The following EBF2 variants were observed in gnomAD, a reference collection of about 807,000 sequenced individuals.
EBF2 encodes transcription factor COE2.
EBF2 carries 21 observed loss-of-function variants against 72.8 expected under a neutral mutation model. That is an observed-to-expected ratio of 0.29 (90% CI 0.20 to 0.42). EBF2 has a LOEUF of 0.42. Ranked by LOEUF, EBF2 falls within the 10% of genes least tolerant of loss-of-function variation. The pLI is 1.00. For synonymous variants in EBF2, 299 were observed against 274.2 expected (o/e 1.09, Z -0.89); for missense variants, 637 against 731.2 (o/e 0.87, Z 1.49).
chr8:26,035,888 C>T (rs1258657521), intron 5 of EBF2, among the ~76,000 whole-genome samples: 1 of 152,102 alleles, frequency 6.6e-6, no homozygotes, highest in African/African-American at 2.4e-5. Context: ...ATCCCTACCC[C>T]CCACCCATTT....
chr8:25,991,788 G>A (rs1406127826), intron 6 of EBF2, among the ~76,000 whole-genome samples: 1 of 152,076 alleles, frequency 6.6e-6, no homozygotes, highest in Non-Finnish European at 1.5e-5. Context: ...AGAGGTTGTA[G>A]TGAGCCGAGA....
chr8:26,011,469 T>C, intron 6 of EBF2, among the ~76,000 whole-genome samples: 1 of 152,070 alleles, frequency 6.6e-6, no homozygotes, highest in East Asian at 1.9e-4. Flanking sequence ...TGGCTTTTTT[T>C]TTTTTCTCCC....
chr8:25,952,028 C>A (rs2096564380), intron 6 of EBF2, among the ~76,000 whole-genome samples: 3 of 152,180 alleles, frequency 2.0e-5, no homozygotes, highest in South Asian at 2.1e-4. Context: ...TACACTGGCT[C>A]ACACCTGTAA....
Position 26,044,825 on chromosome 8 carries a change from G to T in EBF2, c.35C>A (p.Pro12Gln). The T allele has an allele frequency of 6.2e-7, 1 of 1,614,078 alleles. No homozygotes were observed. Among genetic ancestry groups the T allele is most frequent in the South Asian group, 1.1e-5 (1 of 91,070 alleles). Reference protein sequence around the residue: ...FGIQDTLGRGPTLKEKSLGAE... With the variant: ...FGIQDTLGRGQTLKEKSLGAE... ...GCCCAGCGATTTCTCTTTCAGAGTT[G>T]GTCCTCTTCCTAAAGTATCTTGAAT... is the stretch of plus-strand genomic sequence containing the variant. The change falls in exon 1 of 16, where the codon CCA (proline) becomes CAA (glutamine). Residue 12 changes from proline to glutamine, a missense_variant. Pro to Gln is a moderately conservative substitution (Grantham distance 76). Transcript: ENST00000520164. The surrounding 1 kb of genome is among the most constrained non-coding windows in gnomAD (Gnocchi z 4.1).
At chr8:25,893,125 G>A (rs376884412) in intron 7 of EBF2, among the ~76,000 whole-genome samples, 12 of 152,072 alleles carry the variant, frequency 7.9e-5, no homozygotes, top group South Asian at 2.1e-4. Flanking sequence ...CCTACCCCCC[G>A]AAAATAATAG....
At chr8:25,968,848 G>A (rs986900876) in intron 6 of EBF2, among the ~76,000 whole-genome samples, 8 of 152,174 alleles carry the variant, frequency 5.3e-5, no homozygotes, top group South Asian at 2.1e-4. Flanking sequence ...ACGAGCCACC[G>A]TGCCCCGCAG....
At chr8:25,928,789 A>AAC in intron 6 of EBF2, among the ~76,000 whole-genome samples, 1 of 150,744 alleles carries the variant, frequency 6.6e-6, no homozygotes, top group South Asian at 2.1e-4. Flanking sequence ...AATGAAAAAA[A>AAC]AAAAAAAAAA....
intron 6 of EBF2, among the ~76,000 whole-genome samples, chr8:25,928,887 C>A (rs1366466318): frequency 6.6e-6 from 1 of 151,406 alleles, no homozygotes; most frequent in Non-Finnish European, 1.5e-5. Context: ...ACAAACAGAC[C>A]AGCAAGGAGT....
At chr8:26,017,633 C>A (rs1273696194) in intron 6 of EBF2, among the ~76,000 whole-genome samples, 1 of 152,186 alleles carries the variant, frequency 6.6e-6, no homozygotes, top group East Asian at 1.9e-4. Flanking sequence ...CATACCCATA[C>A]AACCAAAAAA....
chr8:25,919,166 A>C (rs1182174126), intron 6 of EBF2, among the ~76,000 whole-genome samples: 1 of 152,154 alleles, frequency 6.6e-6, no homozygotes, highest in Non-Finnish European at 1.5e-5. Flanking sequence ...AAAACTATAG[A>C]GTTTTCCAAC....
Position 25,946,455 on chromosome 8 carries a change from A to G in EBF2, c.552-37900T>C, listed in dbSNP as rs577438279. 5.3e-3 allele frequency among the ~76,000 whole-genome samples: 803 copies of G among 152,350 alleles called. 5 individuals carry two copies. The highest frequency in any genetic ancestry group is 8.2e-3 in the Non-Finnish European group (555 of 68,030). ...CCAAAGACCTCCAAGTTTTCCCAGC[A>G]GTCATCTGGGGTGGCAGGTGAGGGG... On this transcript the variant is annotated intron_variant, in intron 6 of 15. Coordinates refer to ENST00000520164, the MANE Select transcript of EBF2 (RefSeq NM_022659.4).
rs557693795 is a variant in EBF2, at chr8:26,013,259, G to A, written c.551+19826C>T. Among the ~76,000 whole-genome samples, 136 of 152,222 alleles carry A rather than the reference G, an allele frequency of 8.9e-4. 1 individual carries two copies. Among genetic ancestry groups the A allele is most frequent in the African/African-American group, 3.2e-3 (134 of 41,522 alleles). On this transcript the variant is annotated intron_variant, in intron 6 of 15. Coordinates refer to ENST00000520164, the MANE Select transcript of EBF2 (RefSeq NM_022659.4). ...TTTATCACTTCCATCACAGCCAGGGGCAAAACAGCTCTATTTCTTCCCATA... is the reference window on the plus strand; with the variant it reads ...TTTATCACTTCCATCACAGCCAGGGACAAAACAGCTCTATTTCTTCCCATA...
At chr8:25,883,847 C>A (rs1341894942) in intron 10 of EBF2, among the ~76,000 whole-genome samples, 1 of 152,108 alleles carries the variant, frequency 6.6e-6, no homozygotes, top group African/African-American at 2.4e-5. Context: ...TAAACAGTGT[C>A]CTGGAACAAG....
intron 6 of EBF2, among the ~76,000 whole-genome samples, chr8:25,972,091 C>T (rs1449721814): frequency 1.3e-5 from 2 of 152,196 alleles, no homozygotes; most frequent in Admixed American, 6.5e-5. Flanking sequence ...GTGGGGACTA[C>T]GTGGCTGTTC....
In EBF2 at chr8:26,044,185, G is replaced by A. The variant is rs1013587737; in HGVS notation, c.131+544C>T. Among the ~76,000 whole-genome samples, 10 of 152,130 alleles carry A rather than the reference G, an allele frequency of 6.6e-5. No homozygotes were observed. Among genetic ancestry groups the A allele is most frequent in the African/African-American group, 9.7e-5 (4 of 41,416 alleles). The stretch of plus-strand genomic sequence containing the variant: ...GTCCCCCCTCCCAGAGCTCCCGGCC[G>A]CCTCGTCTTCCCGGGCAGCCGCTCC... On this transcript the variant is annotated intron_variant, in intron 1 of 15. Transcript: ENST00000520164. The surrounding 1 kb of genome is among the most constrained non-coding windows in gnomAD (Gnocchi z 4.1).
intron 14 of EBF2, among the ~76,000 whole-genome samples, 165 bp from the exon 15 acceptor site, chr8:25,850,926 G>A (rs536011230): frequency 9.2e-5 from 14 of 152,116 alleles, no homozygotes; most frequent in African/African-American, 2.9e-4. Context: ...ATGTCCAGTG[G>A]GAGGAACAGA....
chr8:26,039,030 G>A (rs1434309624), intron 5 of EBF2, among the ~76,000 whole-genome samples: 2 of 152,120 alleles, frequency 1.3e-5, no homozygotes, highest in African/African-American at 4.8e-5. Context: ...ATTTTTGGAG[G>A]AAGAAAAGCA....
intron 6 of EBF2, among the ~76,000 whole-genome samples, chr8:26,007,417 C>T (rs1804899925): frequency 6.6e-6 from 1 of 152,112 alleles, no homozygotes; most frequent in Non-Finnish European, 1.5e-5. Context: ...ATCATGTTCT[C>T]CTGCCAATAT....
intron 6 of EBF2, among the ~76,000 whole-genome samples, chr8:26,026,843 A>T (rs1805308905): frequency 6.6e-6 from 1 of 152,194 alleles, no homozygotes; most frequent in Non-Finnish European, 1.5e-5. Context: ...TTCACAAGCA[A>T]ACTGGCTATG....
Sources: gnomAD v4.1 joint callset for allele counts (sites outside exome capture counted in the v4.1 genomes callset) on GRCh38, gnomAD v4.1.1 for gene constraint, Gnocchi (gnomAD v3.1) non-coding constraint, MANE v1.5 for transcripts, NCBI Gene and HGNC (gene_info 2026-07-23, HGNC 2026-07-21) for gene names.